Variants in SLC4A5 observed in about 807,000 individuals in gnomAD.
SLC4A5 encodes electrogenic sodium bicarbonate cotransporter 4.
SLC4A5 carries 96 observed loss-of-function variants against 120.4 expected under a neutral mutation model. The ratio of observed to expected loss-of-function variants is 0.80; its 90% CI spans 0.68 to 0.94. SLC4A5 has a LOEUF of 0.94. Ranked by LOEUF, SLC4A5 falls within the 40% of genes least tolerant of loss-of-function variation. SLC4A5 has a pLI of 0.00. For missense variants in SLC4A5, 1,259 were observed against 1,459.5 expected (o/e 0.86, Z 2.24); for synonymous variants, 550 against 571.1 (o/e 0.96, Z 0.53).
At chr2:74,307,402 C>A in intron 6 of SLC4A5, 1 of 636,014 alleles carries the variant, frequency 1.6e-6, no homozygotes. Context: ...TCCTCGAGAG[C>A]CTCGATCTCT....
intron 21 of SLC4A5, among the ~76,000 whole-genome samples, chr2:74,235,933 CT>C (rs1460702397): frequency 3.3e-5 from 5 of 152,178 alleles, no homozygotes; most frequent in Admixed American, 3.3e-4. Context: ...ACCCTGTGGC[CT>C]TTTTAATATC....
At chr2:74,306,786 T>TG in intron 6 of SLC4A5, 5 of 799,552 alleles carry the variant, frequency 6.3e-6, no homozygotes, top group Non-Finnish European at 1.0e-5. Context: ...CACTATCCAG[T>TG]GGGTAGTGTT....
At chr2:74,329,060 A>C (rs1673286385) in intron 4 of SLC4A5, among the ~76,000 whole-genome samples, 1 of 152,112 alleles carries the variant, frequency 6.6e-6, no homozygotes, top group Non-Finnish European at 1.5e-5. Flanking sequence ...CACTCCAGCC[A>C]AAAGGATGGC....
chr2:74,293,999 G>C (rs577426750), intron 7 of SLC4A5, among the ~76,000 whole-genome samples: 1 of 152,348 alleles, frequency 6.6e-6, no homozygotes, highest in Admixed American at 6.5e-5. Flanking sequence ...GAAAGAAAGA[G>C]AGGCAAAGGA....
intron 20 of SLC4A5, among the ~76,000 whole-genome samples, chr2:74,239,995 C>T (rs566008101): frequency 4.7e-4 from 70 of 149,886 alleles, no homozygotes; most frequent in African/African-American, 1.6e-3. Context: ...GCATACACAA[C>T]AGTGAATTTT....
chr2:74,216,354 G>C (rs1044021294), exon 31 of SLC4A5: 34 of 152,296 alleles, frequency 2.2e-4, no homozygotes, highest in African/African-American at 8.2e-4. Flanking sequence ...AAATTAAAAT[G>C]TTCATGTATA....
chr2:74,312,370 C>T (rs1672834181), intron 6 of SLC4A5, among the ~76,000 whole-genome samples: 1 of 151,888 alleles, frequency 6.6e-6, no homozygotes, highest in African/African-American at 2.4e-5. Context: ...GTTGGGATTA[C>T]AGGTGCATGC....
At chr2:74,239,447 G>C in exon 21 of SLC4A5, 1 of 1,613,720 alleles carries the variant, frequency 6.2e-7, no homozygotes, top group South Asian at 1.1e-5. Context: ...AAACTTGCAG[G>C]AATTCCCAAG....
intron 23 of SLC4A5, among the ~76,000 whole-genome samples, chr2:74,232,914 CA>C (rs1573008682): frequency 6.6e-6 from 1 of 152,158 alleles, no homozygotes; most frequent in African/African-American, 2.4e-5. Flanking sequence ...GAGAAGGGCC[CA>C]GAAGGTGGCC....
intron 12 of SLC4A5, among the ~76,000 whole-genome samples, chr2:74,256,373 C>G (rs1670965789): frequency 6.6e-6 from 1 of 152,338 alleles, no homozygotes; most frequent in African/African-American, 2.4e-5. Context: ...GAGGCCTGTT[C>G]TGATGGTCAG....
intron 6 of SLC4A5, 46 bp downstream of exon 6, chr2:74,314,898 TC>T: frequency 6.5e-7 from 1 of 1,532,764 alleles, no homozygotes; most frequent in Non-Finnish European, 9.0e-7. Flanking sequence ...TTCAGAGAAT[TC>T]TCAGTGCCTC....
intron 28 of SLC4A5, among the ~76,000 whole-genome samples, chr2:74,224,316 C>G (rs758561459): frequency 2.7e-4 from 41 of 152,160 alleles, no homozygotes; most frequent in Non-Finnish European, 5.3e-4. Context: ...GAAATGTAGC[C>G]AGTCTCCTTT....
Position 74,306,367 on chromosome 2 carries a change from C to T in SLC4A5, c.80-1687G>A, listed in dbSNP as rs1001709396. 2.6e-5 allele frequency among the ~76,000 whole-genome samples: 4 copies of T among 152,182 alleles called. No homozygotes were observed. The South Asian group carries it at 6.2e-4, about 24-fold the overall frequency. On this transcript the variant is annotated intron_variant, in intron 6 of 30. Transcript: ENST00000394019. ...ATTCCAACACCACCAAAACTTCTTC[C>T]CCAAACAGAAACATTCCAAGCTTGT... is the stretch of plus-strand genomic sequence containing the variant.
chr2:74,283,383 A>C (rs1350564934), intron 8 of SLC4A5, among the ~76,000 whole-genome samples: 1 of 152,226 alleles, frequency 6.6e-6, no homozygotes, highest in Non-Finnish European at 1.5e-5. Flanking sequence ...GTAAGTGTTC[A>C]AAGAACGGCA....
intron 7 of SLC4A5, among the ~76,000 whole-genome samples, chr2:74,294,825 C>A (rs1672279338): frequency 6.6e-6 from 1 of 152,070 alleles, no homozygotes; most frequent in Non-Finnish European, 1.5e-5. Flanking sequence ...GTGTCTGCCA[C>A]CACGCCCGGC....
intron 7 of SLC4A5, among the ~76,000 whole-genome samples, chr2:74,299,374 G>C (rs983629820): frequency 6.6e-6 from 1 of 152,126 alleles, no homozygotes; most frequent in African/African-American, 2.4e-5. Flanking sequence ...AATTTCATGA[G>C]ACCTGATGGT....
At chr2:74,267,077 A>G (rs1671323840) in intron 8 of SLC4A5, among the ~76,000 whole-genome samples, 1 of 152,240 alleles carries the variant, frequency 6.6e-6, no homozygotes. Flanking sequence ...GCTCAACCTT[A>G]CCAGTAATCA....
rs1384327078 is a variant in SLC4A5, at chr2:74,285,899, G to A, written c.275C>T (p.Ser92Phe). The A allele has an allele frequency of 1.9e-5, 30 of 1,597,334 alleles. No individual in the cohort carries two copies. Among genetic ancestry groups the A allele is most frequent in the Non-Finnish European group, 2.4e-5 (28 of 1,171,716 alleles). The change falls in exon 8 of 31, where the codon TCC (serine) becomes TTC (phenylalanine). Residue 92 changes from serine to phenylalanine, a missense_variant. Ser to Phe is a radical substitution (Grantham distance 155). Transcript: ENST00000394019. The stretch of plus-strand genomic sequence containing the variant: ...GTCCTGGAGCTGCTCAGCAGCTGGG[G>A]ACCCTGCAAAAGAGGGGCAGCAGGT...
intron 6 of SLC4A5, chr2:74,307,685 C>T: frequency 2.1e-6 from 2 of 939,856 alleles, no homozygotes; most frequent in South Asian, 1.3e-5. Flanking sequence ...GGATTTTGCT[C>T]TCCAGCTTCC....
Sources: allele counts gnomAD v4.1 joint callset (sites outside exome capture counted in the v4.1 genomes callset), GRCh38; gene constraint gnomAD v4.1.1; transcripts MANE v1.5; gene names NCBI Gene and HGNC (gene_info 2026-07-23, HGNC 2026-07-21).